Variants in SLC8A1 observed in about 807,000 individuals in gnomAD.
SLC8A1 encodes the protein solute carrier family 8 member A1.
In SLC8A1, 18 loss-of-function variants were observed where a neutral mutation model predicts 68.3. That is an observed-to-expected ratio of 0.26 (90% CI 0.18 to 0.39). SLC8A1 has a LOEUF of 0.39. Among genes scored for constraint, SLC8A1 ranks in the 10% least tolerant of loss-of-function variants. SLC8A1 has a pLI of 1.00. For missense variants in SLC8A1, 985 were observed against 1,156.7 expected, an observed-to-expected ratio of 0.85 and a Z score of 2.15; for synonymous variants, 475 against 415.5, an observed-to-expected ratio of 1.14 and a Z score of -1.74.
At chr2:40,445,757 T>G (rs1359646546) in intron 1 of SLC8A1, among the ~76,000 whole-genome samples, 1 of 152,198 alleles carries the variant, frequency 6.6e-6, no homozygotes, top group Non-Finnish European at 1.5e-5. Context: ...AAGCACTGAC[T>G]GCCCAACACT....
intron 2 of SLC8A1, among the ~76,000 whole-genome samples, chr2:40,193,760 G>T (rs528148721): frequency 1.3e-5 from 2 of 152,152 alleles, no homozygotes; most frequent in South Asian, 4.2e-4. Context: ...GTGAAGGAGA[G>T]GGGGCAGGGA....
chr2:40,327,330 T>C (rs1011324268), intron 2 of SLC8A1, among the ~76,000 whole-genome samples: 16 of 152,248 alleles, frequency 1.1e-4, no homozygotes, highest in Non-Finnish European at 2.2e-4. Flanking sequence ...GAAAGAACTC[T>C]GTGAAGTATG....
chr2:40,328,746 T>C (rs2076105083), intron 2 of SLC8A1, among the ~76,000 whole-genome samples: 1 of 152,110 alleles, frequency 6.6e-6, no homozygotes, highest in African/African-American at 2.4e-5. Flanking sequence ...AGTTTCCAAA[T>C]TTGGTCCCAG....
intron 2 of SLC8A1, among the ~76,000 whole-genome samples, chr2:40,215,613 C>T (rs530762167): frequency 9.2e-5 from 12 of 129,794 alleles, no homozygotes; most frequent in South Asian, 4.8e-4. Context: ...GTCCGCAGTC[C>T]GGCCTGGGCG....
intron 2 of SLC8A1, among the ~76,000 whole-genome samples, chr2:40,310,207 G>A (rs1332433074): frequency 6.6e-6 from 1 of 152,206 alleles, no homozygotes; most frequent in Non-Finnish European, 1.5e-5. Context: ...CCAGATGTAT[G>A]GAGTTGGTGC....
intron 2 of SLC8A1, among the ~76,000 whole-genome samples, chr2:40,238,627 C>T (rs957757461): frequency 3.9e-5 from 6 of 152,166 alleles, no homozygotes; most frequent in African/African-American, 1.2e-4. Flanking sequence ...CTTGGCTCCT[C>T]GATCGTCTTC....
At chr2:40,366,774 T>C (rs1489864019) in intron 2 of SLC8A1, among the ~76,000 whole-genome samples, 1 of 151,900 alleles carries the variant, frequency 6.6e-6, no homozygotes, top group African/African-American at 2.4e-5. Flanking sequence ...CTTATGCTTT[T>C]TTTTTTCACA....
At chr2:40,182,954 C>T (rs1213394082) in intron 2 of SLC8A1, among the ~76,000 whole-genome samples, 2 of 152,184 alleles carry the variant, frequency 1.3e-5, no homozygotes, top group East Asian at 3.8e-4. Context: ...TAGATCCTTA[C>T]ACAAAAGATT....
chr2:40,286,484 GAC>G (rs1468426398), intron 2 of SLC8A1, among the ~76,000 whole-genome samples: 1 of 152,184 alleles, frequency 6.6e-6, no homozygotes, highest in Non-Finnish European at 1.5e-5. Flanking sequence ...GATTGTAGAA[GAC>G]AGTTTTGTGA....
At chr2:40,439,189 T>A (rs1488103711) in intron 1 of SLC8A1, among the ~76,000 whole-genome samples, 1 of 151,980 alleles carries the variant, frequency 6.6e-6, no homozygotes, top group Non-Finnish European at 1.5e-5. Flanking sequence ...AATATAAAGT[T>A]CCTACTTCAT....
Position 40,164,751 on chromosome 2 carries a change from T to C in SLC8A1, c.2061+103A>G, listed in dbSNP as rs372908743. 197 of 1,426,342 alleles carry C rather than the reference T, an allele frequency of 1.4e-4. No homozygotes were observed. In the African/African-American group the frequency reaches 2.5e-3, roughly 18 times the overall value. The allele number at this position is 1,426,342 out of a possible 1,614,324, so 88.4% of individuals were successfully genotyped here. ...TCACAAGCCAGTTCCTGAAATTACA[T>C]CTACTACTCTTTCCAGGTGGATCTT... On this transcript the variant is annotated intron_variant, in intron 5 of 7. Transcript: ENST00000406785.
chr2:40,401,117 A>G (rs958923762), intron 2 of SLC8A1, among the ~76,000 whole-genome samples: 21 of 152,192 alleles, frequency 1.4e-4, no homozygotes, highest in Admixed American at 1.2e-3. Context: ...TCACCCAGAA[A>G]TAAGGGAAAA....
intron 2 of SLC8A1, among the ~76,000 whole-genome samples, chr2:40,267,710 A>G: frequency 6.6e-6 from 1 of 152,206 alleles, no homozygotes; most frequent in African/African-American, 2.4e-5. Flanking sequence ...GTGTTGTGCT[A>G]CGTGTTTCAC....
intron 2 of SLC8A1, among the ~76,000 whole-genome samples, chr2:40,284,784 G>A (rs2068049232): frequency 6.6e-6 from 1 of 151,768 alleles, no homozygotes; most frequent in Non-Finnish European, 1.5e-5. Context: ...TGTCATCCGT[G>A]CAAACAACGG....
intron 7 of SLC8A1, among the ~76,000 whole-genome samples, chr2:40,128,297 G>T (rs2038576167): frequency 6.6e-6 from 1 of 152,216 alleles, no homozygotes; most frequent in Non-Finnish European, 1.5e-5. Context: ...ACATGGCAAT[G>T]AAGTTTTGCT....
chr2:40,322,019 G>T (rs1034064835), intron 2 of SLC8A1, among the ~76,000 whole-genome samples: 1 of 152,118 alleles, frequency 6.6e-6, no homozygotes, highest in African/African-American at 2.4e-5. Flanking sequence ...AAAGGCCTAT[G>T]ATGACTCTCA....
intron 7 of SLC8A1, among the ~76,000 whole-genome samples, chr2:40,133,155 A>C (rs2039731950): frequency 6.6e-6 from 1 of 152,174 alleles, no homozygotes; most frequent in African/African-American, 2.4e-5. Flanking sequence ...GCAGTAAGTA[A>C]GGGTTAGAAG....
At chr2:40,101,082 A>G (rs755856088) in exon 8 of SLC8A1, 3 of 152,164 alleles carry the variant, frequency 2.0e-5, no homozygotes, top group Non-Finnish European at 4.4e-5. Flanking sequence ...ACACATACAC[A>G]CATATAACCC....
chr2:40,462,606 G>C (rs980068240), intron 1 of SLC8A1, among the ~76,000 whole-genome samples: 4 of 151,558 alleles, frequency 2.6e-5, no homozygotes, highest in African/African-American at 9.7e-5. Flanking sequence ...CCAGGAGTTC[G>C]AGACCAGCCT....
Sources: gnomAD v4.1 joint callset for allele counts (sites outside exome capture counted in the v4.1 genomes callset) on GRCh38, gnomAD v4.1.1 for gene constraint, MANE v1.5 for transcripts, NCBI Gene and HGNC (gene_info 2026-07-23, HGNC 2026-07-21) for gene names.